Variants in ZSCAN25 observed in about 807,000 individuals in gnomAD.
ZSCAN25 encodes the protein zinc finger and SCAN domain containing 25, also known as zinc finger and SCAN domain-containing protein 25.
In ZSCAN25, 27 loss-of-function variants were observed where a neutral mutation model predicts 38.7. The observed-to-expected ratio is 0.70, with a 90% CI of 0.51 to 0.96. ZSCAN25 has a LOEUF of 0.96. Among genes scored for constraint, ZSCAN25 ranks in the 40% least tolerant of loss-of-function variants. The probability of loss-of-function intolerance (pLI) is 0.00; values close to 1 mark genes in which losing one functional copy is unlikely to be tolerated. For synonymous variants in ZSCAN25, 273 were observed against 277.7 expected (o/e 0.98, Z 0.17); for missense variants, 637 against 705.9 (o/e 0.90, Z 1.11).
chr7:99,624,404 G>A, intron 7 of ZSCAN25: 2 of 566,926 alleles, frequency 3.5e-6, no homozygotes, highest in Non-Finnish European at 6.3e-6. Context: ...TGGCTGTATG[G>A]AGACAGGTCG....
the ZSCAN25 span, among the ~76,000 whole-genome samples, chr7:99,682,257 A>G: frequency 1.3e-5 from 2 of 152,226 alleles, no homozygotes; most frequent in African/African-American, 4.8e-5. Context: ...GGCATGAGCC[A>G]CGGCACTCAG....
At chr7:99,652,439 G>T in the ZSCAN25 span, 11 of 699,540 alleles carry the variant, frequency 1.6e-5, no homozygotes, top group East Asian at 5.6e-5. Flanking sequence ...GTGATAAAAA[G>T]ACTTACAAGC....
chr7:99,647,652 A>G, the ZSCAN25 span: 33,454 of 985,372 alleles, frequency 0.034, 1,474 homozygotes, highest in East Asian at 0.26. Context: ...AGGCAGAATG[A>G]AACTATGAAT....
At chr7:99,688,966 C>G in the ZSCAN25 span, among the ~76,000 whole-genome samples, 7 of 152,094 alleles carry the variant, frequency 4.6e-5, no homozygotes, top group Non-Finnish European at 7.3e-5. Context: ...TCTTTGAAAC[C>G]AACAAGAACA....
In ZSCAN25 at chr7:99,622,600, A is replaced by C. The variant is rs755474879; in HGVS notation, c.641A>C (p.Asp214Ala). 1.2e-6 allele frequency: 2 copies of C among 1,613,988 alleles called. No individual in the cohort carries two copies. The highest frequency in any genetic ancestry group is 1.6e-4 in the Middle Eastern group (1 of 6,084). Reference sequence around the variant, plus strand: ...GGCCTCCCCGCAGTGAATCCCAGAGACCAAGAGATGGCAGCTGGGTTCTTT... The same window carrying C: ...GGCCTCCCCGCAGTGAATCCCAGAGCCCAAGAGATGGCAGCTGGGTTCTTT... ...GPGLPAVNPR[D>A]QEMAAGFFTA... Residue 214 changes from aspartate (D) to alanine (A), a missense_variant, in exon 6 of 8, where the codon GAC becomes GCC. By Grantham distance (126) the Asp-to-Ala change is moderately radical (BLOSUM62 -2). Transcript: ENST00000394152.
At chr7:99,707,927 G>T in the ZSCAN25 span, 2 of 1,613,900 alleles carry the variant, frequency 1.2e-6, no homozygotes, top group Admixed American at 1.7e-5. Flanking sequence ...ACTTCCAAAG[G>T]GTGTGTATAT....
the ZSCAN25 span, chr7:99,663,359 AG>A: frequency 1.0e-6 from 1 of 991,992 alleles, no homozygotes; most frequent in Non-Finnish European, 1.2e-6. Context: ...TATAATCTTC[AG>A]TGACAGCTGG....
chr7:99,670,591 G>A, the ZSCAN25 span, among the ~76,000 whole-genome samples: 715 of 152,258 alleles, frequency 4.7e-3, 2 homozygotes, highest in African/African-American at 0.016. Context: ...AATGCCTAGA[G>A]CTGCAATCTG....
chr7:99,643,753 C>T, the ZSCAN25 span, among the ~76,000 whole-genome samples: 5 of 151,694 alleles, frequency 3.3e-5, no homozygotes, highest in East Asian at 1.9e-4. Flanking sequence ...GTTGTGAGAT[C>T]GTGTAGGCTT....
At chr7:99,656,329 T>G in the ZSCAN25 span, among the ~76,000 whole-genome samples, 1 of 152,372 alleles carries the variant, frequency 6.6e-6, no homozygotes, top group South Asian at 2.1e-4. Flanking sequence ...TCTGCATCTA[T>G]TGAGATAATC....
the ZSCAN25 span, chr7:99,667,142 C>T: frequency 1.5e-6 from 2 of 1,330,294 alleles, no homozygotes; most frequent in South Asian, 2.6e-5. Flanking sequence ...ATTGAAGAGG[C>T]ATCCTTATTT....
chr7:99,697,757 G>C, the ZSCAN25 span, among the ~76,000 whole-genome samples: 5 of 152,192 alleles, frequency 3.3e-5, no homozygotes, highest in African/African-American at 1.2e-4. Flanking sequence ...CCCAGCAGAG[G>C]CAGCATATAG....
At chr7:99,681,649 T>A in the ZSCAN25 span, among the ~76,000 whole-genome samples, 1 of 152,252 alleles carries the variant, frequency 6.6e-6, no homozygotes, top group Non-Finnish European at 1.5e-5. Context: ...ATTTTTTGAT[T>A]GGATTATTAG....
chr7:99,663,493 C>T, the ZSCAN25 span: 2 of 990,546 alleles, frequency 2.0e-6, no homozygotes, highest in East Asian at 2.2e-4. Context: ...CTGTTCACTC[C>T]AGGCTGTGAA....
At chr7:99,731,052 C>T in the ZSCAN25 span, 4 of 1,613,738 alleles carry the variant, frequency 2.5e-6, no homozygotes, top group Non-Finnish European at 8.5e-7. Flanking sequence ...AGCTCAAAAA[C>T]ACTCACCTTA....
the ZSCAN25 span, among the ~76,000 whole-genome samples, chr7:99,668,130 A>G: frequency 6.6e-6 from 1 of 152,254 alleles, no homozygotes; most frequent in Admixed American, 6.5e-5. Context: ...TCACATTTCT[A>G]TGTAACAATA....
chr7:99,646,797 T>TACACACAC, the ZSCAN25 span, among the ~76,000 whole-genome samples: 548 of 142,164 alleles, frequency 3.9e-3, 5 homozygotes, highest in African/African-American at 0.011. Flanking sequence ...ATATGTTTTA[T>TACACACAC]ACACACACAC....
chr7:99,643,677 G>T, the ZSCAN25 span, among the ~76,000 whole-genome samples: 1 of 151,848 alleles, frequency 6.6e-6, no homozygotes, highest in Non-Finnish European at 1.5e-5. Flanking sequence ...GGGGCTCTCA[G>T]TCCCACTGTA....
At chr7:99,652,381 G>GT in the ZSCAN25 span, 904 of 512,558 alleles carry the variant, frequency 1.8e-3, 4 homozygotes, top group African/African-American at 0.015. Flanking sequence ...ATGTAGTTTC[G>GT]TTTTTTCTAG....
Sources: allele counts gnomAD v4.1 joint callset (sites outside exome capture counted in the v4.1 genomes callset), GRCh38; gene constraint gnomAD v4.1.1; transcripts MANE v1.5; gene names NCBI Gene and HGNC (gene_info 2026-07-23, HGNC 2026-07-21).